STK32B: variants seen among roughly 807,000 people sequenced by gnomAD.
The protein encoded by STK32B is serine/threonine-protein kinase 32B.
A neutral mutation model predicts 52.6 loss-of-function variants in STK32B; 43 were observed. The ratio of observed to expected loss-of-function variants is 0.82; its 90% confidence interval spans 0.64 to 1.05. The LOEUF (loss-of-function observed/expected upper bound fraction) is 1.05, where lower values mean the gene tolerates loss of function less well. Ranked by LOEUF, STK32B falls within the 50% of genes least tolerant of loss-of-function variation. The pLI, the probability that STK32B is intolerant of heterozygous loss-of-function variation, is 0.00. For missense variants in STK32B, 621 were observed against 534.6 expected (o/e 1.16, Z -1.59); for synonymous variants, 238 against 204.3 (o/e 1.17, Z -1.41).
chr4:5,139,656 A>G, intron 1 of STK32B: 1 of 503,540 alleles, frequency 2.0e-6, no homozygotes, highest in East Asian at 3.2e-5. Flanking sequence ...AAGCAGCAAG[A>G]CTGCAGAGCC....
intron 4 of STK32B, among the ~76,000 whole-genome samples, chr4:5,358,749 A>T (rs886948744): frequency 2.0e-5 from 3 of 152,098 alleles, no homozygotes; most frequent in African/African-American, 7.2e-5. Flanking sequence ...ACAGTTGCAT[A>T]TATTTATATC....
At chr4:5,488,680 A>G (rs1047710745) in intron 11 of STK32B, among the ~76,000 whole-genome samples, 105 of 152,242 alleles carry the variant, frequency 6.9e-4, no homozygotes, top group Middle Eastern at 3.4e-3. Flanking sequence ...TTTGAGGACA[A>G]AAATTTACCA....
the STK32B span, chr4:5,019,557 T>C: frequency 2.5e-6 from 3 of 1,217,578 alleles, no homozygotes; most frequent in East Asian, 6.4e-5. Context: ...CTGCGGTCCA[T>C]CCAGGGTGGC....
At chr4:5,199,411 T>G (rs1269546321) in intron 3 of STK32B, among the ~76,000 whole-genome samples, 2 of 152,174 alleles carry the variant, frequency 1.3e-5, no homozygotes, top group African/African-American at 2.4e-5. Context: ...CCTGAATATT[T>G]GAAAACCTAT....
At chr4:5,377,113 A>G (rs1735636055) in intron 4 of STK32B, among the ~76,000 whole-genome samples, 1 of 152,038 alleles carries the variant, frequency 6.6e-6, no homozygotes, top group South Asian at 2.1e-4. Context: ...TGCTCTATCT[A>G]TGGCCAAAGG....
At chr4:5,370,518 G>A (rs1409003774) in intron 4 of STK32B, among the ~76,000 whole-genome samples, 1 of 152,124 alleles carries the variant, frequency 6.6e-6, no homozygotes, top group East Asian at 1.9e-4. Flanking sequence ...GTCAAGCCCA[G>A]TGTTCAGTGT....
In STK32B at chr4:5,499,044, C is replaced by A; in HGVS notation, c.1206C>A (p.Asn402Lys). 6.2e-7 allele frequency: 1 copy of A among 1,613,804 alleles called. No homozygotes were observed. Among genetic ancestry groups the A allele is most frequent in the Non-Finnish European group, 8.5e-7 (1 of 1,179,786 alleles). The stretch of plus-strand genomic sequence containing the variant: ...AGCTCCAGGACGGGTGCAACAACAA[C>A]CTCCTCACCCACACCTGCACCCGTG... ...QSKLQDGCNN[N>K]LLTHTCTRGC... The change falls in exon 12 of 12, where the codon AAC (asparagine) becomes AAA (lysine). Residue 402 changes from asparagine to lysine, a missense_variant. Physicochemically the swap from Asn to Lys is moderately conservative, Grantham distance 94. Transcript: ENST00000282908.
intron 6 of STK32B, among the ~76,000 whole-genome samples, chr4:5,440,018 A>G (rs536162010): frequency 1.3e-5 from 2 of 152,282 alleles, no homozygotes; most frequent in South Asian, 2.1e-4. Context: ...CTTGTAGTAT[A>G]GTTTGAAGTC....
intron 11 of STK32B, among the ~76,000 whole-genome samples, chr4:5,490,531 G>T (rs890620822): frequency 1.3e-5 from 2 of 151,906 alleles, no homozygotes; most frequent in African/African-American, 4.8e-5. Flanking sequence ...TAAAAGATAA[G>T]TTATTTTATT....
At chr4:5,181,896 G>A (rs1720394340) in intron 3 of STK32B, among the ~76,000 whole-genome samples, 1 of 152,198 alleles carries the variant, frequency 6.6e-6, no homozygotes, top group African/African-American at 2.4e-5. Context: ...CTCTTCCTTT[G>A]ACGAAAGATT....
chr4:5,158,850 A>T (rs1402018492), intron 2 of STK32B, among the ~76,000 whole-genome samples: 1 of 152,090 alleles, frequency 6.6e-6, no homozygotes, highest in Non-Finnish European at 1.5e-5. Flanking sequence ...TTTTACCTTA[A>T]TTACCTCTTT....
At chr4:5,364,379 T>C (rs1421138344) in intron 4 of STK32B, among the ~76,000 whole-genome samples, 1 of 152,228 alleles carries the variant, frequency 6.6e-6, no homozygotes, top group African/African-American at 2.4e-5. Flanking sequence ...CAGATCCTGC[T>C]TTGCAGGTCC....
At chr4:5,286,432 A>G (rs7669364) in intron 3 of STK32B, among the ~76,000 whole-genome samples, 15,496 of 152,164 alleles carry the variant, frequency 0.1, 910 homozygotes, top group African/African-American at 0.15. Context: ...TAGATCAGTG[A>G]CACCTCAAAG....
At position 5,130,279 on chromosome 4, in the gene STK32B, G is replaced by A. The variant is rs1715676388; in HGVS notation, c.53-9626G>A. Among the ~76,000 whole-genome samples the A allele has an allele frequency of 1.3e-5, 2 of 151,844 alleles. 1 individual carries two copies. Among genetic ancestry groups the A allele is most frequent in the Admixed American group, 1.3e-4 (2 of 15,242 alleles). ...GGCTCTATGATAGTAGAGTGCCTGG[G>A]CTGTGAGGCACAGCCAGGAGCCATG... On this transcript the variant is annotated intron_variant, in intron 1 of 11. Coordinates refer to ENST00000282908, the MANE Select transcript of STK32B (RefSeq NM_018401.3).
At chr4:5,317,060 GATATA>G (rs1489197957) in intron 3 of STK32B, among the ~76,000 whole-genome samples, 3 of 25,258 alleles carry the variant, frequency 1.2e-4, no homozygotes, top group African/African-American at 2.9e-4. Context: ...TAATATATAT[GATATA>G]ATATATTATA....
intron 3 of STK32B, among the ~76,000 whole-genome samples, chr4:5,194,213 C>G (rs1341765703): frequency 7.9e-5 from 12 of 152,178 alleles, no homozygotes; most frequent in Admixed American, 7.9e-4. Flanking sequence ...CTTTCTGAGA[C>G]CAATGGTCCT....
rs932328680 is a variant in STK32B, at chr4:5,453,787, C to T, written c.667-3020C>T. 1.3e-5 allele frequency among the ~76,000 whole-genome samples: 2 copies of T among 152,098 alleles called. No homozygotes were observed. Among genetic ancestry groups the T allele is most frequent in the Admixed American group, 1.3e-4 (2 of 15,270 alleles). ...GGGCATGGTGACGCGTGCCTGTAAT[C>T]CCAGCTACTTGGGAGACTGAGGCAG... is the stretch of plus-strand genomic sequence containing the variant. On this transcript the variant is annotated intron_variant, in intron 7 of 11. Transcript: ENST00000282908. This position sits in a 1 kb window ranked among gnomAD's most constrained non-coding sequence, Gnocchi z 4.0.
At chr4:5,305,584 CTCTTT>C (rs1729873123) in intron 3 of STK32B, among the ~76,000 whole-genome samples, 2 of 151,994 alleles carry the variant, frequency 1.3e-5, no homozygotes, top group Admixed American at 6.6e-5. Context: ...TTATTTGGAT[CTCTTT>C]TCTTTTCGTG....
At chr4:5,493,663 G>T (rs898236812) in intron 11 of STK32B, among the ~76,000 whole-genome samples, 28 of 152,084 alleles carry the variant, frequency 1.8e-4, no homozygotes, top group Non-Finnish European at 4.0e-4. Flanking sequence ...TCTTTTAATG[G>T]TGATGTCAGG....
Sources: allele counts gnomAD v4.1 joint callset (sites outside exome capture counted in the v4.1 genomes callset), GRCh38; gene constraint gnomAD v4.1.1; non-coding constraint Gnocchi (gnomAD v3.1); transcripts MANE v1.5; gene names NCBI Gene and HGNC (gene_info 2026-07-23, HGNC 2026-07-21).